Variants in KDM1B observed in about 807,000 individuals in gnomAD.
The protein encoded by KDM1B is lysine-specific histone demethylase 2.
A neutral mutation model predicts 107.4 loss-of-function variants in KDM1B; 63 were observed. That is an observed-to-expected ratio of 0.59 (90% CI 0.48 to 0.72). The LOEUF is 0.72. KDM1B is among the 30% of genes least tolerant of loss of function. The pLI is 0.00. For synonymous variants in KDM1B, 363 were observed against 363.9 expected (o/e 1.00, Z 0.03); for missense variants, 749 against 1,020.8 (o/e 0.73, Z 3.63).
chr6:18,184,994 T>C (rs1417350436), intron 7 of KDM1B, among the ~76,000 whole-genome samples: 1 of 152,058 alleles, frequency 6.6e-6, no homozygotes, highest in Non-Finnish European at 1.5e-5. Context: ...CCTCCCAAAA[T>C]GCTGGGATTA....
At chr6:18,180,913 T>C (rs997051240) in intron 7 of KDM1B, among the ~76,000 whole-genome samples, 4 of 152,224 alleles carry the variant, frequency 2.6e-5, no homozygotes, top group African/African-American at 4.8e-5. Context: ...GACTAAACTG[T>C]AATTGGAGTG....
At chr6:18,178,555 G>C (rs1284010864) in intron 7 of KDM1B, among the ~76,000 whole-genome samples, 1 of 150,992 alleles carries the variant, frequency 6.6e-6, no homozygotes, top group Non-Finnish European at 1.5e-5. Flanking sequence ...ACCATGCCTG[G>C]CTAATTTTTT....
At chr6:18,215,256 TTTCA>T in intron 20 of KDM1B, 127 bp downstream of exon 20, 1 of 1,109,628 alleles carries the variant, frequency 9.0e-7, no homozygotes, top group Non-Finnish European at 1.2e-6. Flanking sequence ...GTCTTCTTTC[TTTCA>T]GAGTCCCACT....
In KDM1B at chr6:18,190,580, C is replaced by T. The variant is rs567348588; in HGVS notation, c.785-617C>T. 1.1e-4 allele frequency among the ~76,000 whole-genome samples: 17 copies of T among 150,984 alleles called. No individual in the cohort carries two copies. In the South Asian group the frequency reaches 1.7e-3, roughly 15 times the overall value. On this transcript the variant is annotated intron_variant, in intron 9 of 21. Coordinates refer to ENST00000650836, the MANE Select transcript of KDM1B (RefSeq NM_001364614.2). The stretch of plus-strand genomic sequence containing the variant: ...TCGCGCCACTGAACTCCAGCCAGGG[C>T]GACAGAGTGAGACTCCATCTTAAAA...
In KDM1B at chr6:18,203,690, T is replaced by A. The variant is rs1561944425; in HGVS notation, c.1532-1847T>A. On this transcript the variant is annotated intron_variant, in intron 14 of 21. Coordinates refer to ENST00000650836, the MANE Select transcript of KDM1B (RefSeq NM_001364614.2). This position sits in a 1 kb window ranked among gnomAD's most constrained non-coding sequence, Gnocchi z 5.5. ...TAACATGGTGAAACCCTGTCTCTAC[T>A]AATAATACAAAAATTAGTCGAGCAT... Among the ~76,000 whole-genome samples, 1 of 152,028 alleles carries A rather than the reference T, an allele frequency of 6.6e-6. No individual in the cohort carries two copies. The highest frequency in any genetic ancestry group is 3.4e-3 in the Middle Eastern group (1 of 294).
At chr6:18,160,719 C>T (rs1300293547) in intron 3 of KDM1B, among the ~76,000 whole-genome samples, 2 of 143,150 alleles carry the variant, frequency 1.4e-5, no homozygotes, top group Non-Finnish European at 3.0e-5. Context: ...GCCTGGGCGA[C>T]AGAGTGAGAC....
rs566855259 is a variant in KDM1B, at chr6:18,186,891, G to A, written c.574-901G>A. ...CCAGCTCCCTGCCATGACACATGGGGATTATAGGAACTACAATTCAAGATG... is the reference window on the plus strand; with the variant it reads ...CCAGCTCCCTGCCATGACACATGGGAATTATAGGAACTACAATTCAAGATG... On this transcript the variant is annotated intron_variant, in intron 8 of 21. Coordinates refer to ENST00000650836, the MANE Select transcript of KDM1B (RefSeq NM_001364614.2). The surrounding 1 kb of genome is among the most constrained non-coding windows in gnomAD (Gnocchi z 5.6). 4.8e-4 allele frequency among the ~76,000 whole-genome samples: 73 copies of A among 152,110 alleles called. 2 individuals carry two copies. The highest frequency in any genetic ancestry group is 9.7e-4 in the Non-Finnish European group (66 of 68,004).
chr6:18,191,304 C>G lies in KDM1B; in HGVS notation c.892C>G (p.Pro298Ala), dbSNP rs1787269058. Residue 298 changes from proline to alanine, a missense_variant, in exon 10 of 22, where the codon CCA becomes GCA. By Grantham distance (27) the Pro-to-Ala change is conservative. Coordinates refer to ENST00000650836, the MANE Select transcript of KDM1B (RefSeq NM_001364614.2). The surrounding 1 kb of genome is among the most constrained non-coding windows in gnomAD (Gnocchi z 5.1). ...VMELDELYEF[P>A]EYSRDPTMYL... ...GGAACTGGATGAGCTCTATGAGTTT[C>G]CAGAGTATTCCCGAGACCCCACCAT... 1 of 1,550,902 alleles carries G rather than the reference C, an allele frequency of 6.4e-7. No homozygotes were observed. Among genetic ancestry groups the G allele is most frequent in the Non-Finnish European group, 8.7e-7 (1 of 1,147,068 alleles).
chr6:18,159,997 T>C lies in KDM1B; in HGVS notation c.87+15T>C. ...CCGGTAGGCAGGTAGTGTTCATTTATTCATTCAACAAGCCTTTTTTGAGCA... is the reference window on the plus strand; with the variant it reads ...CCGGTAGGCAGGTAGTGTTCATTTACTCATTCAACAAGCCTTTTTTGAGCA... On this transcript the variant is annotated intron_variant, in intron 3 of 21. Transcript: ENST00000650836. This position sits in a 1 kb window ranked among gnomAD's most constrained non-coding sequence, Gnocchi z 4.5. 1 of 1,550,860 alleles carries C rather than the reference T, an allele frequency of 6.4e-7. No individual in the cohort carries two copies. Among genetic ancestry groups the C allele is most frequent in the East Asian group, 2.3e-5 (1 of 44,362 alleles).
At chr6:18,174,130 A>G (rs1329732925) in intron 7 of KDM1B, among the ~76,000 whole-genome samples, 14 of 152,186 alleles carry the variant, frequency 9.2e-5, no homozygotes, top group Admixed American at 6.5e-4. Flanking sequence ...TATGTGTGTA[A>G]GTCTGTTTCT....
At position 18,203,234 on chromosome 6, in the gene KDM1B, G is replaced by A. The variant is rs1230128073; in HGVS notation, c.1531+1577G>A. Among the ~76,000 whole-genome samples, 4 of 152,088 alleles carry A rather than the reference G, an allele frequency of 2.6e-5. No individual in the cohort carries two copies. Among genetic ancestry groups the A allele is most frequent in the Non-Finnish European group, 4.4e-5 (3 of 68,020 alleles). On this transcript the variant is annotated intron_variant, in intron 14 of 21. Coordinates refer to ENST00000650836, the MANE Select transcript of KDM1B (RefSeq NM_001364614.2). The surrounding 1 kb of genome is among the most constrained non-coding windows in gnomAD (Gnocchi z 5.5). The stretch of plus-strand genomic sequence containing the variant: ...AGAGACTGTGGTGAGCTGTGATCTC[G>A]CCACTGCACCTCAGCTTGGGTGACA...
Position 18,171,463 on chromosome 6 carries a change from C to T in KDM1B, c.518C>T (p.Pro173Leu). ...AAGACTTATCGATGCGGTATGAAAC[C>T]AAATACTGCTATTAAGGTATGTTCT... ...IAKTYRCGMK[P>L]NTAIKPETSD... The change falls in exon 7 of 22, where the codon CCA (proline) becomes CTA (leucine). Residue 173 changes from proline (P) to leucine (L), a missense_variant. Pro to Leu is a moderately conservative substitution (Grantham distance 98). Coordinates refer to ENST00000650836, the MANE Select transcript of KDM1B (RefSeq NM_001364614.2). 6.3e-7 allele frequency: 1 copy of T among 1,583,228 alleles called. No individual in the cohort carries two copies. Among genetic ancestry groups the T allele is most frequent in the Non-Finnish European group, 8.7e-7 (1 of 1,151,884 alleles).
intron 7 of KDM1B, among the ~76,000 whole-genome samples, chr6:18,171,739 G>A (rs770405580): frequency 3.9e-5 from 6 of 152,136 alleles, no homozygotes; most frequent in African/African-American, 7.2e-5. Context: ...TCTCTTTGTA[G>A]CTTCCACTCC....
intron 7 of KDM1B, among the ~76,000 whole-genome samples, chr6:18,178,054 T>C (rs1362800845): frequency 2.0e-5 from 3 of 152,168 alleles, no homozygotes; most frequent in East Asian, 1.9e-4. Flanking sequence ...TAATTTTTTT[T>C]CCTGTAATTG....
intron 6 of KDM1B, among the ~76,000 whole-genome samples, chr6:18,170,518 T>G (rs894104234): frequency 1.3e-5 from 2 of 152,068 alleles, no homozygotes; most frequent in African/African-American, 4.8e-5. Flanking sequence ...CTCAGTCTGT[T>G]TCCCGGGCTG....
In KDM1B at chr6:18,205,570, A is replaced by C; in HGVS notation, c.1565A>C (p.Lys522Thr). 4 of 1,547,444 alleles carry C rather than the reference A, an allele frequency of 2.6e-6. No homozygotes were observed. The highest frequency in any genetic ancestry group is 3.5e-6 in the Non-Finnish European group (4 of 1,145,280). The change falls in exon 15 of 22, where the codon AAG becomes ACG. Residue 522 changes from lysine to threonine, a missense_variant. Lys to Thr is a moderately conservative substitution (Grantham distance 78). Coordinates refer to ENST00000650836, the MANE Select transcript of KDM1B (RefSeq NM_001364614.2). This position sits in a 1 kb window ranked among gnomAD's most constrained non-coding sequence, Gnocchi z 5.7. Reference protein sequence around the residue: ...KIEEIYKAFIKESGIQFSELE... With the variant: ...KIEEIYKAFITESGIQFSELE... The stretch of plus-strand genomic sequence containing the variant: ...GAAGAAATCTACAAGGCATTTATTA[A>C]GGAATCTGGTATCCAATTCAGTGAG...
Position 18,200,251 on chromosome 6 carries a change from T to C in KDM1B, c.1222-188T>C, listed in dbSNP as rs1423869466. 6.6e-6 allele frequency among the ~76,000 whole-genome samples: 1 copy of C among 152,244 alleles called. No homozygotes were observed. The highest frequency in any genetic ancestry group is 1.5e-5 in the Non-Finnish European group (1 of 68,040). On this transcript the variant is annotated intron_variant, in intron 12 of 21. Transcript: ENST00000650836. The surrounding 1 kb of genome is among the most constrained non-coding windows in gnomAD (Gnocchi z 4.3). Reference sequence around the variant, plus strand: ...CAGTTTTTCCTCGCTAGAGTCTAGATGGATTGTTTTGAACATCTATTTTGG... The same window carrying C: ...CAGTTTTTCCTCGCTAGAGTCTAGACGGATTGTTTTGAACATCTATTTTGG...
intron 7 of KDM1B, among the ~76,000 whole-genome samples, chr6:18,180,876 T>G (rs1467283743): frequency 1.3e-5 from 2 of 152,230 alleles, no homozygotes; most frequent in Non-Finnish European, 2.9e-5. Context: ...ACTCTAGCTG[T>G]GATTTTTACA....
chr6:18,175,874 T>C (rs891301731), intron 7 of KDM1B, among the ~76,000 whole-genome samples: 5 of 152,226 alleles, frequency 3.3e-5, no homozygotes, highest in African/African-American at 1.2e-4. Flanking sequence ...ACTATGGCCT[T>C]ATAGTATAGT....
Sources: allele counts gnomAD v4.1 joint callset (sites outside exome capture counted in the v4.1 genomes callset), GRCh38; gene constraint gnomAD v4.1.1; non-coding constraint Gnocchi (gnomAD v3.1); transcripts MANE v1.5; gene names NCBI Gene and HGNC (gene_info 2026-07-23, HGNC 2026-07-21).